IGFN1: variants seen among roughly 807,000 people sequenced by gnomAD.
The protein encoded by IGFN1 is immunoglobulin-like and fibronectin type III domain-containing protein 1.
IGFN1 carries 253 observed loss-of-function variants against 289.5 expected under a neutral mutation model. The ratio of observed to expected loss-of-function variants is 0.87; its 90% CI spans 0.79 to 0.97. IGFN1 has a LOEUF of 0.97. Among genes scored for constraint, IGFN1 ranks in the 50% least tolerant of loss-of-function variants. The pLI is 0.00. For synonymous variants in IGFN1, 1,706 were observed against 1,788.5 expected (o/e 0.95, Z 1.16); for missense variants, 4,470 against 4,686.1 (o/e 0.95, Z 1.35).
At position 201,211,768 on chromosome 1, in the gene IGFN1, G is replaced by T; in HGVS notation, c.6875G>T (p.Gly2292Val). The change falls in exon 12 of 24, where the codon GGT becomes GTT. Residue 2292 changes from glycine (G) to valine (V), a missense_variant. Physicochemically the swap from Gly to Val is moderately radical, Grantham distance 109. Transcript: ENST00000335211. ...DEAGYKNVLG[G>V]SGRNPLGSEA... is the part of the protein sequence containing the mutation. ...GCAGGTTATAAGAATGTTTTAGGGG[G>T]TTCTGGGAGGAATCCATTAGGGAGC... The T allele has an allele frequency of 6.5e-7, 1 of 1,536,908 alleles. No individual in the cohort carries two copies. The highest frequency in any genetic ancestry group is 8.7e-7 in the Non-Finnish European group (1 of 1,146,788).
In IGFN1 at chr1:201,208,724, T is replaced by C. The variant is rs1407598117; in HGVS notation, c.3831T>C (p.Ser1277=). The change falls in exon 12 of 24, where the codon TCT becomes TCC. Residue 1277 remains serine (S), a synonymous_variant. Transcript: ENST00000335211. ...GPGCRKGIGS[S]GEMGSVDKEG... ...GTTGTAGGAAGGGTATTGGGAGTTCTGGGGAAATGGGGTCAGTGGATAAGG... is the reference window on the plus strand; with the variant it reads ...GTTGTAGGAAGGGTATTGGGAGTTCCGGGGAAATGGGGTCAGTGGATAAGG... 6.5e-7 allele frequency: 1 copy of C among 1,536,962 alleles called. No homozygotes were observed.
intron 22 of IGFN1, 146 bp downstream of exon 22, chr1:201,226,269 G>C (rs1182210096): frequency 1.1e-6 from 1 of 945,810 alleles, no homozygotes; most frequent in Non-Finnish European, 1.5e-6. Context: ...CAGCAGCCCC[G>C]AGCTGCTGCT....
intron 18 of IGFN1, among the ~76,000 whole-genome samples, chr1:201,219,837 T>A (rs1353251948): frequency 6.6e-6 from 1 of 152,192 alleles, no homozygotes; most frequent in Non-Finnish European, 1.5e-5. Flanking sequence ...AATGGAGGGA[T>A]GGGGGAGGAA....
chr1:201,203,985 T>A (rs1667280819), intron 10 of IGFN1, 79 bp downstream of exon 10: 4 of 1,301,914 alleles, frequency 3.1e-6, no homozygotes, highest in Admixed American at 2.3e-5. Context: ...ACGTGTGTGT[T>A]GGGGGGTAAA....
chr1:201,225,850 C>T lies in IGFN1; in HGVS notation c.10513C>T (p.His3505Tyr), dbSNP rs1298861143. ...ATGCCCGCAGGCCCCTGGGCCCATC[C>T]ACCTGCAGGAGAACGTGCCTGGGAC... The part of the protein sequence containing the change: ...AACPQAPGPI[H>Y]LQENVPGTVT... The change falls in exon 22 of 24, where the codon CAC becomes TAC. Residue 3505 changes from histidine (H) to tyrosine (Y), a missense_variant. Physicochemically the swap from His to Tyr is moderately conservative, Grantham distance 83 (BLOSUM62 2). Coordinates refer to ENST00000335211, the MANE Select transcript of IGFN1 (RefSeq NM_001164586.2). The T allele has an allele frequency of 2.1e-5, 34 of 1,612,844 alleles. No individual in the cohort carries two copies. Among genetic ancestry groups the T allele is most frequent in the Non-Finnish European group, 2.7e-5 (32 of 1,179,828 alleles).
chr1:201,194,008 G>T, intron 2 of IGFN1, 146 bp from the exon 3 acceptor site: 1 of 813,420 alleles, frequency 1.2e-6, no homozygotes, highest in Admixed American at 2.8e-5. Context: ...CAGGCAGGAG[G>T]TACTACAAAT....
chr1:201,207,448 C>G lies in IGFN1; in HGVS notation c.2555C>G (p.Ala852Gly), dbSNP rs955925993. 1 of 1,528,026 alleles carries G rather than the reference C, an allele frequency of 6.5e-7. No individual in the cohort carries two copies. The highest frequency in any genetic ancestry group is 2.5e-5 in the East Asian group (1 of 40,806). 94.7% of individuals were successfully genotyped at this position (1,528,026 alleles called of 1,614,324 possible). A position where few individuals can be genotyped will look rare whatever the true frequency, so the allele number is the denominator to read the frequency against. Reference sequence around the variant, plus strand: ...CCATCTAGCCTCAGAAAAACTGGGGCCCACCATGGGCCTGGAGTGCTGGGG... The same window carrying G: ...CCATCTAGCCTCAGAAAAACTGGGGGCCACCATGGGCCTGGAGTGCTGGGG... ...DTPSSLRKTG[A>G]HHGPGVLGPS... Residue 852 changes from alanine to glycine, a missense_variant, in exon 12 of 24, where the codon GCC (alanine) becomes GGC (glycine). Physicochemically the swap from Ala to Gly is moderately conservative, Grantham distance 60 (BLOSUM62 0). Coordinates refer to ENST00000335211, the MANE Select transcript of IGFN1 (RefSeq NM_001164586.2).
chr1:201,199,055 C>T (rs763288603), intron 5 of IGFN1, among the ~76,000 whole-genome samples: 7 of 152,204 alleles, frequency 4.6e-5, no homozygotes, highest in Non-Finnish European at 1.0e-4. Context: ...TATGCCACCT[C>T]CCTGGCCCCT....
At chr1:201,227,654 T>A (rs1654197693) in intron 23 of IGFN1, among the ~76,000 whole-genome samples, 1 of 152,022 alleles carries the variant, frequency 6.6e-6, no homozygotes. Context: ...GGTCTCAAAC[T>A]CCTGACCTCA....
At position 201,207,783 on chromosome 1, in the gene IGFN1, G is replaced by A. The variant is rs761083701; in HGVS notation, c.2890G>A (p.Glu964Lys). The part of the protein sequence containing the change: ...RYEGGLGYSR[E>K]ISSKSGAGYS... ...CGAGGGTGGCTTAGGATATTCTAGG[G>A]AAATAAGCTCTAAAAGCGGGGCTGG... Residue 964 changes from glutamate to lysine, a missense_variant, in exon 12 of 24, where the codon GAA becomes AAA. Physicochemically the swap from Glu to Lys is moderately conservative, Grantham distance 56. Coordinates refer to ENST00000335211, the MANE Select transcript of IGFN1 (RefSeq NM_001164586.2). 6.5e-7 allele frequency: 1 copy of A among 1,536,314 alleles called. No individual in the cohort carries two copies.
intron 18 of IGFN1, among the ~76,000 whole-genome samples, chr1:201,219,236 T>G (rs865919945): frequency 2.0e-5 from 3 of 152,196 alleles, no homozygotes; most frequent in Admixed American, 6.5e-5. Flanking sequence ...GCATCAATTC[T>G]CTATCCAATG....
chr1:201,204,211 G>T (rs1254853040), intron 10 of IGFN1, among the ~76,000 whole-genome samples: 5 of 152,186 alleles, frequency 3.3e-5, no homozygotes, highest in African/African-American at 1.2e-4. Flanking sequence ...ATCAGATCCA[G>T]ACTAATTGCA....
In IGFN1 at chr1:201,207,241, G is replaced by A; in HGVS notation, c.2348G>A (p.Gly783Asp). 1 of 1,536,822 alleles carries A rather than the reference G, an allele frequency of 6.5e-7. No individual in the cohort carries two copies. Among genetic ancestry groups the A allele is most frequent in the South Asian group, 1.2e-5 (1 of 84,060 alleles). ...TGPGGPGDPR[G>D]CEGVLQELRG... ...CCTGGAGGCCCAGGAGACCCCAGAG[G>A]CTGCGAAGGTGTCCTACAGGAGCTC... The change falls in exon 12 of 24, where the codon GGC (glycine) becomes GAC (aspartate). Residue 783 changes from glycine (G) to aspartate (D), a missense_variant. This residue lies in a region of IGFN1 where 2,011 missense variants were observed against 1,953.4 expected (regional missense o/e 1.03). Coordinates refer to ENST00000335211, the MANE Select transcript of IGFN1 (RefSeq NM_001164586.2).
Position 201,206,640 on chromosome 1 carries a change from G to C in IGFN1, c.1747G>C (p.Asp583His), listed in dbSNP as rs116753369. The change falls in exon 12 of 24, where the codon GAC (aspartate) becomes CAC (histidine). Residue 583 changes from aspartate (D) to histidine (H), a missense_variant. Physicochemically the swap from Asp to His is moderately conservative, Grantham distance 81. Coordinates refer to ENST00000335211, the MANE Select transcript of IGFN1 (RefSeq NM_001164586.2). ...SSREGKEHRG[D>H]SGRQLDRHAP... ...CAGGGAAGGAAAGGAGCACAGAGGG[G>C]ACAGTGGAAGACAACTGGACAGGCA... is the stretch of plus-strand genomic sequence containing the variant. 0.038 allele frequency: 58,262 copies of C among 1,539,036 alleles called. 1,238 individuals carry two copies. The highest frequency in any genetic ancestry group is 0.044 in the Middle Eastern group (263 of 5,990).
chr1:201,220,618 T>G (rs1653668153), intron 18 of IGFN1, among the ~76,000 whole-genome samples: 1 of 152,256 alleles, frequency 6.6e-6, no homozygotes, highest in Non-Finnish European at 1.5e-5. Flanking sequence ...CATCATCTTA[T>G]TAGAACTTAT....
intron 5 of IGFN1, among the ~76,000 whole-genome samples, chr1:201,198,293 G>C (rs573063541): frequency 2.0e-5 from 3 of 152,040 alleles, no homozygotes; most frequent in African/African-American, 7.2e-5. Context: ...TTACCACCAT[G>C]CCTGGCTAAT....
rs1246655900 is a variant in IGFN1, at chr1:201,209,111, T to C, written c.4218T>C (p.Asp1406=). ...GTCCTGGGGAGATGGGGTCACTGGA[T>C]GAGTCAGGTCATAGGAATGGGATTG... ...LRGPGEMGSL[D]ESGHRNGIGG... The change falls in exon 12 of 24, where the codon GAT becomes GAC. Residue 1406 remains aspartate, a synonymous_variant. Transcript: ENST00000335211. The C allele has an allele frequency of 6.5e-7, 1 of 1,530,850 alleles. No individual in the cohort carries two copies. Among genetic ancestry groups the C allele is most frequent in the South Asian group, 1.2e-5 (1 of 83,554 alleles). 94.8% of individuals were successfully genotyped at this position (1,530,850 alleles called of 1,614,324 possible).
chr1:201,216,535 G>A lies in IGFN1; in HGVS notation c.9377G>A (p.Arg3126Lys). The change falls in exon 16 of 24, where the codon AGG becomes AAG. Residue 3126 changes from arginine (R) to lysine (K), a missense_variant. Physicochemically the swap from Arg to Lys is conservative, Grantham distance 26. Coordinates refer to ENST00000335211, the MANE Select transcript of IGFN1 (RefSeq NM_001164586.2). ...GTCTGCCTCCGCTGGCGGCCCCCAA[G>A]GGACAATGGGGGCCGGACTGTAGAG... is the stretch of plus-strand genomic sequence containing the variant. ...AGVCLRWRPPRDNGGRTVECY... is the reference protein window; with the variant it reads ...AGVCLRWRPPKDNGGRTVECY... 1.2e-6 allele frequency: 2 copies of A among 1,612,504 alleles called. No homozygotes were observed. The highest frequency in any genetic ancestry group is 2.2e-5 in the East Asian group (1 of 44,832).
chr1:201,221,740 GTTACTGGT>G lies in IGFN1; in HGVS notation c.10196_10201+2del, dbSNP rs1653753173. 1.3e-6 allele frequency: 2 copies of G among 1,584,244 alleles called. No homozygotes were observed. The highest frequency in any genetic ancestry group is 2.7e-5 in the African/African-American group (2 of 74,548). On this transcript the variant is annotated splice_donor_variant and coding_sequence_variant, in exon 19 of 24. Transcript: ENST00000335211. LOFTEE classifies it high-confidence loss of function. Reference sequence around the variant, plus strand: ...GGACACATTAGTGCAAGCCATGCCTGTTACTGGTGAGTGCTGCCTCCTTCCCCGACCCC... The same window carrying G: ...GGACACATTAGTGCAAGCCATGCCTGGAGTGCTGCCTCCTTCCCCGACCCC...
Sources: gnomAD v4.1 joint callset for allele counts (sites outside exome capture counted in the v4.1 genomes callset) on GRCh38, gnomAD v4.1.1 for gene constraint, gnomAD v4.1.1 regional missense constraint, MANE v1.5 for transcripts, NCBI Gene and HGNC (gene_info 2026-07-23, HGNC 2026-07-21) for gene names.